Variants in TENM1 observed in about 807,000 individuals in gnomAD.
TENM1 encodes teneurin-1.
Under a neutral mutation model 174.8 loss-of-function variants are expected in TENM1, and 35 were observed. The observed-to-expected ratio is 0.20, with a 90% confidence interval of 0.15 to 0.27. TENM1 has a LOEUF of 0.27. TENM1 is among the 10% of genes least tolerant of loss of function. TENM1 has a pLI of 1.00. For missense variants in TENM1, 1,633 were observed against 2,130.1 expected (o/e 0.77, Z 4.59); for synonymous variants, 781 against 798.7 (o/e 0.98, Z 0.37).
chrX:124,565,072 A>C (rs1300263850), intron 12 of TENM1, among the ~76,000 whole-genome samples: 1 of 112,204 alleles, frequency 8.9e-6, no homozygotes, highest in Non-Finnish European at 1.9e-5. Context: ...CACTTTTCTT[A>C]TTAACTAATG....
At chrX:124,536,911 T>C (rs1280360448) in intron 15 of TENM1, among the ~76,000 whole-genome samples, 1 of 111,703 alleles carries the variant, frequency 9.0e-6, no homozygotes, top group African/African-American at 3.3e-5. Flanking sequence ...CATTAACCTC[T>C]CTTGTCACTT....
chrX:124,582,980 G>A (rs2049368380), intron 11 of TENM1, among the ~76,000 whole-genome samples: 1 of 112,520 alleles, frequency 8.9e-6, no homozygotes, highest in Admixed American at 9.4e-5. Context: ...GACGCTGGGG[G>A]AGGGGCACCC....
chrX:124,921,436 T>C (rs758513093), intron 1 of TENM1, among the ~76,000 whole-genome samples: 17 of 111,533 alleles, frequency 1.5e-4, no homozygotes. Flanking sequence ...ACTATACTTG[T>C]TTGTTTTATA....
chrX:125,194,197 T>G, the TENM1 span, among the ~76,000 whole-genome samples: 1 of 111,557 alleles, frequency 9.0e-6, no homozygotes, highest in Non-Finnish European at 1.9e-5. Flanking sequence ...CAACTTTTTC[T>G]TCTGTGTTCC....
intron 3 of TENM1, among the ~76,000 whole-genome samples, chrX:124,886,961 T>G (rs1035846934): frequency 1.8e-5 from 2 of 110,548 alleles, no homozygotes; most frequent in African/African-American, 6.6e-5. Flanking sequence ...TTAGAAATCT[T>G]TCTCATCATT....
At chrX:124,751,144 G>A (rs1426682345) in intron 3 of TENM1, among the ~76,000 whole-genome samples, 1 of 111,344 alleles carries the variant, frequency 9.0e-6, no homozygotes. Flanking sequence ...AGACAACTGA[G>A]CAATTTATGT....
chrX:125,170,731 T>C, the TENM1 span, among the ~76,000 whole-genome samples: 3 of 111,193 alleles, frequency 2.7e-5, no homozygotes, highest in Non-Finnish European at 5.7e-5. Context: ...AAAATGGACT[T>C]CGAAGGTCAG....
intron 3 of TENM1, among the ~76,000 whole-genome samples, chrX:124,856,269 C>A (rs1021412364): frequency 1.8e-5 from 2 of 110,744 alleles, no homozygotes; most frequent in African/African-American, 6.5e-5. Flanking sequence ...TGGGACTTGT[C>A]ATTCTAGAGA....
chrX:125,056,337 G>C, the TENM1 span, among the ~76,000 whole-genome samples: 6 of 111,789 alleles, frequency 5.4e-5, no homozygotes, highest in African/African-American at 1.9e-4. Context: ...AATGGTGATA[G>C]AGAATTTCTT....
intron 28 of TENM1, among the ~76,000 whole-genome samples, chrX:124,388,872 A>T (rs1320895559): frequency 2.7e-5 from 3 of 112,627 alleles, no homozygotes; most frequent in African/African-American, 9.7e-5. Context: ...CTGTAAATGT[A>T]TAAGGCTAAA....
the TENM1 span, among the ~76,000 whole-genome samples, chrX:125,061,687 C>T: frequency 2.7e-5 from 3 of 111,862 alleles, no homozygotes; most frequent in African/African-American, 9.7e-5. Flanking sequence ...GAGGTCGAGG[C>T]GGGCAGATCG....
In TENM1 at chrX:124,912,644, T is replaced by TC. The variant is rs199516912; in HGVS notation, c.218-16404dup. ...TATAAAATTATAAGTGTAACACTGT[T>TC]CACTTCATGACGTATAATCAATAAA... On this transcript the variant is annotated intron_variant, in intron 1 of 31. Coordinates refer to ENST00000422452, the Ensembl canonical transcript of TENM1. Among the ~76,000 whole-genome samples the TC allele has an allele frequency of 7.8e-3, 871 of 111,395 alleles. 10 individuals carry two copies. Among genetic ancestry groups the TC allele is most frequent in the African/African-American group, 0.027 (835 of 30,582 alleles).
At chrX:124,645,426 CA>C (rs776694465) in intron 9 of TENM1, 89 bp from the exon 13 acceptor site, 57 of 879,208 alleles carry the variant, frequency 6.5e-5, no homozygotes, top group East Asian at 5.2e-4. Context: ...GTATTTCAGG[CA>C]AAAAATTGTA....
chrX:125,195,177 G>A, the TENM1 span, among the ~76,000 whole-genome samples: 1 of 111,781 alleles, frequency 8.9e-6, no homozygotes, highest in Admixed American at 9.5e-5. Flanking sequence ...AGTAAAAGGA[G>A]AGACCAGTGC....
At chrX:124,950,092 G>A (rs1384984032) in intron 1 of TENM1, among the ~76,000 whole-genome samples, 1 of 110,830 alleles carries the variant, frequency 9.0e-6, no homozygotes, top group Non-Finnish European at 1.9e-5. Flanking sequence ...GCAGGGGAAA[G>A]GGGGCCCAAG....
chrX:125,072,625 G>A, the TENM1 span, among the ~76,000 whole-genome samples: 1 of 110,825 alleles, frequency 9.0e-6, no homozygotes, highest in Non-Finnish European at 1.9e-5. Flanking sequence ...CAGAAGCTTG[G>A]GAAAGAAATT....
chrX:124,909,652 T>C lies in TENM1; in HGVS notation c.218-13411A>G, dbSNP rs1056259432. On this transcript the variant is annotated intron_variant, in intron 1 of 31. Coordinates refer to ENST00000422452, the Ensembl canonical transcript of TENM1. ...ACCCGCAACTTGTCACTTTGACTCA[T>C]TGAAAACAACAATGATATTTTAGAG... 3.6e-5 allele frequency among the ~76,000 whole-genome samples: 4 copies of C among 112,445 alleles called. No homozygotes were observed. The East Asian group carries it at 8.4e-4, about 24-fold the overall frequency.
chrX:124,536,901 C>T (rs2048217964), intron 15 of TENM1, among the ~76,000 whole-genome samples: 1 of 111,620 alleles, frequency 9.0e-6, no homozygotes, highest in South Asian at 3.8e-4. Flanking sequence ...TTGTTAACCT[C>T]ATTAACCTCT....
chrX:124,644,065 A>G lies in TENM1; in HGVS notation c.1876+1078T>C, dbSNP rs759882762. Among the ~76,000 whole-genome samples the G allele has an allele frequency of 1.4e-4, 14 of 100,342 alleles. No homozygotes were observed. In the South Asian group the frequency reaches 2.2e-3, roughly 15 times the overall value. 87.1% of individuals were successfully genotyped at this position (100,342 alleles called of 115,157 possible). A position where few individuals can be genotyped will look rare whatever the true frequency, so the allele number is the denominator to read the frequency against. ...ATGGCATATATATATATATATATAT[A>G]TATGTGTATATATAATATAAATGGC... On this transcript the variant is annotated intron_variant, in intron 10 of 31. Coordinates refer to ENST00000422452, the Ensembl canonical transcript of TENM1.
Sources: allele counts gnomAD v4.1 joint callset (sites outside exome capture counted in the v4.1 genomes callset), GRCh38; gene constraint gnomAD v4.1.1; transcripts MANE v1.5; gene names NCBI Gene and HGNC (gene_info 2026-07-23, HGNC 2026-07-21).